Variants in BCAS3 observed in about 807,000 individuals in gnomAD.
BCAS3 encodes BCAS4/BCAS3 fusion.
In BCAS3, 53 loss-of-function variants were observed where a neutral mutation model predicts 116.1. The observed-to-expected ratio is 0.46, with a 90% CI of 0.37 to 0.57. The LOEUF is 0.57. Among genes scored for constraint, BCAS3 ranks in the 20% least tolerant of loss-of-function variants. The pLI is 0.00. For missense variants in BCAS3, 917 were observed against 1,165.4 expected, an observed-to-expected ratio of 0.79 and a Z score of 3.10; for synonymous variants, 391 against 408.2, an observed-to-expected ratio of 0.96 and a Z score of 0.51.
intron 7 of BCAS3, among the ~76,000 whole-genome samples, chr17:60,856,139 T>C (rs2053652204): frequency 6.6e-6 from 1 of 152,202 alleles, no homozygotes; most frequent in Non-Finnish European, 1.5e-5. Flanking sequence ...AATTTAATGA[T>C]GCTATTTGCA....
intron 5 of BCAS3, among the ~76,000 whole-genome samples, chr17:60,739,106 T>C (rs994322449): frequency 6.6e-6 from 1 of 152,180 alleles, no homozygotes; most frequent in Admixed American, 6.5e-5. Flanking sequence ...CACTTTCAAA[T>C]AACACTATAC....
chr17:60,684,328 C>T (rs2033707048), intron 3 of BCAS3, among the ~76,000 whole-genome samples: 1 of 152,022 alleles, frequency 6.6e-6, no homozygotes, highest in Admixed American at 6.6e-5. Context: ...ATTTTCTTGT[C>T]CTATTTAAGT....
Position 61,151,381 on chromosome 17 carries a change from GT to G in BCAS3, c.2425+66823del, listed in dbSNP as rs1229403347. On this transcript the variant is annotated intron_variant, in intron 22 of 23. Transcript: ENST00000407086. The surrounding 1 kb of genome is among the most constrained non-coding windows in gnomAD (Gnocchi z 4.8). ...ACCTATACCACTACCTCCTCCTCCT[GT>G]TTTTTCCTACTTTTTTTTTTTTTAA... Among the ~76,000 whole-genome samples, 1 of 148,788 alleles carries G rather than the reference GT, an allele frequency of 6.7e-6. No homozygotes were observed. The highest frequency in any genetic ancestry group is 1.5e-5 in the Non-Finnish European group (1 of 67,680).
intron 5 of BCAS3, among the ~76,000 whole-genome samples, chr17:60,717,589 G>C (rs1481616328): frequency 6.6e-6 from 1 of 152,164 alleles, no homozygotes; most frequent in Non-Finnish European, 1.5e-5. Flanking sequence ...CAAAGAATAA[G>C]AGATTATGTC....
At chr17:60,824,967 A>G (rs2050258436) in intron 7 of BCAS3, among the ~76,000 whole-genome samples, 1 of 152,104 alleles carries the variant, frequency 6.6e-6, no homozygotes, top group African/African-American at 2.4e-5. Context: ...GGAGTTCGAA[A>G]CCATCCTAGG....
intron 21 of BCAS3, 112 bp downstream of exon 21, chr17:61,078,641 A>G: frequency 1.2e-6 from 1 of 867,986 alleles, no homozygotes; most frequent in Non-Finnish European, 1.8e-6. Flanking sequence ...ATCATGTTGC[A>G]GACTACATGT....
intron 22 of BCAS3, among the ~76,000 whole-genome samples, chr17:61,164,747 A>G (rs2078384422): frequency 6.6e-6 from 1 of 152,212 alleles, no homozygotes; most frequent in African/African-American, 2.4e-5. Flanking sequence ...TGAGCCAAAT[A>G]AACCTTTGTT....
Position 61,201,146 on chromosome 17 carries a change from T to C in BCAS3, c.2425+116582T>C, listed in dbSNP as rs1329922526. ...TTAACCCGAACCTAAAACCAAACAA[T>C]GACAGGAATATTTCTCCTTAAATGC... On this transcript the variant is annotated intron_variant, in intron 22 of 23. Transcript: ENST00000407086. Among the ~76,000 whole-genome samples, 3 of 152,154 alleles carry C rather than the reference T, an allele frequency of 2.0e-5. No individual in the cohort carries two copies. In the East Asian group the frequency reaches 5.8e-4, roughly 29 times the overall value.
chr17:61,100,298 A>ACCTTTT (rs1420923356), intron 22 of BCAS3, among the ~76,000 whole-genome samples: 1 of 152,156 alleles, frequency 6.6e-6, no homozygotes, highest in Admixed American at 6.5e-5. Flanking sequence ...TATTTGGGCT[A>ACCTTTT]CCTTTTCCTT....
At chr17:61,297,045 G>A (rs966206494) in intron 22 of BCAS3, among the ~76,000 whole-genome samples, 10 of 152,298 alleles carry the variant, frequency 6.6e-5, no homozygotes, top group African/African-American at 2.4e-4. Flanking sequence ...GGGTGAGACT[G>A]GATCCAGGAA....
intron 5 of BCAS3, among the ~76,000 whole-genome samples, chr17:60,719,277 G>A (rs769590897): frequency 6.6e-6 from 1 of 152,136 alleles, no homozygotes; most frequent in Non-Finnish European, 1.5e-5. Context: ...CAGCAAAAAG[G>A]TAAAGTGCAG....
chr17:61,070,399 A>ATATATATATATATATATATC (rs1423455439), intron 19 of BCAS3: 1 of 186,476 alleles, frequency 5.4e-6, no homozygotes. Flanking sequence ...ATATATATAT[A>ATATATATATATATATATATC]TCTTTTCACC....
At chr17:60,891,578 T>C (rs1306985517) in intron 10 of BCAS3, 2 of 419,138 alleles carry the variant, frequency 4.8e-6, no homozygotes, top group African/African-American at 4.2e-5. Context: ...AATTGTAAAA[T>C]TGAATTAAAT....
chr17:60,846,118 G>C (rs2052509171), intron 7 of BCAS3, among the ~76,000 whole-genome samples: 2 of 151,700 alleles, frequency 1.3e-5, no homozygotes, highest in Non-Finnish European at 2.9e-5. Context: ...TTTGTAGAAA[G>C]GGGGTCTTGC....
intron 23 of BCAS3, among the ~76,000 whole-genome samples, chr17:61,371,688 T>C (rs145837224): frequency 1.7e-3 from 266 of 152,346 alleles, no homozygotes; most frequent in Middle Eastern, 3.4e-3. Flanking sequence ...ATGATAAATA[T>C]ATATAATTTT....
chr17:61,021,251 G>A lies in BCAS3; in HGVS notation c.1637+5350G>A, dbSNP rs550168273. ...AGTTTTGTATTTTTTGTAGAGATTG[G>A]GTTTCTCTATGTTGCCCAAGCTGGT... On this transcript the variant is annotated intron_variant, in intron 16 of 23. Coordinates refer to ENST00000407086, the MANE Select transcript of BCAS3 (RefSeq NM_017679.5). This position sits in a 1 kb window ranked among gnomAD's most constrained non-coding sequence, Gnocchi z 4.6. Among the ~76,000 whole-genome samples, 12 of 152,108 alleles carry A rather than the reference G, an allele frequency of 7.9e-5. No homozygotes were observed. In the South Asian group the frequency reaches 2.5e-3, roughly 32 times the overall value.
intron 5 of BCAS3, among the ~76,000 whole-genome samples, chr17:60,730,641 T>G (rs79904844): frequency 4.3e-4 from 66 of 152,320 alleles, no homozygotes; most frequent in African/African-American, 1.5e-3. Context: ...CTCTTTACTA[T>G]TAGGAAAACT....
chr17:61,384,249 G>T (rs1473346228), intron 23 of BCAS3, among the ~76,000 whole-genome samples: 2 of 152,232 alleles, frequency 1.3e-5, no homozygotes, highest in African/African-American at 4.8e-5. Context: ...GCATGGAGTA[G>T]CTGGAGCTAG....
At chr17:60,989,584 T>G (rs1479994980) in intron 14 of BCAS3, among the ~76,000 whole-genome samples, 1 of 152,128 alleles carries the variant, frequency 6.6e-6, no homozygotes, top group Admixed American at 6.5e-5. Context: ...GTGGAGCTTT[T>G]ACATCCTACA....
Sources: allele counts gnomAD v4.1 joint callset (sites outside exome capture counted in the v4.1 genomes callset), GRCh38; gene constraint gnomAD v4.1.1; non-coding constraint Gnocchi (gnomAD v3.1); transcripts MANE v1.5; gene names NCBI Gene and HGNC (gene_info 2026-07-23, HGNC 2026-07-21).